Variants in BAHCC1 observed in about 807,000 individuals in gnomAD.
BAHCC1 encodes BAH domain and coiled-coil containing 1, also known as BAH and coiled-coil domain-containing protein 1.
A neutral mutation model predicts 88.2 loss-of-function variants in BAHCC1; 43 were observed. The observed-to-expected ratio is 0.49, with a 90% CI of 0.38 to 0.63. The LOEUF is 0.63. Ranked by LOEUF, BAHCC1 falls within the 20% of genes least tolerant of loss-of-function variation. The pLI is 0.00. For synonymous variants in BAHCC1, 1,510 were observed against 745.5 expected (o/e 2.03, Z -16.71); for missense variants, 3,023 against 1,654.8 (o/e 1.83, Z -14.34).
rs1555647916 is a variant in BAHCC1, at chr17:81,411,860, C to T, written c.178+11943C>T. On this transcript the variant is annotated intron_variant, in intron 2 of 27. Transcript: ENST00000675386. The surrounding 1 kb of genome is among the most constrained non-coding windows in gnomAD (Gnocchi z 6.2). ...CTCACCGCCCCGGCCCCTGCCCCTCCACACCCTGGTCACTCTTCCCTCCAG... is the reference window on the plus strand; with the variant it reads ...CTCACCGCCCCGGCCCCTGCCCCTCTACACCCTGGTCACTCTTCCCTCCAG... 6.6e-6 allele frequency among the ~76,000 whole-genome samples: 1 copy of T among 152,264 alleles called. No individual in the cohort carries two copies.
rs61744534 is a variant in BAHCC1, at chr17:81,459,100, C to A, written c.5652C>A (p.Pro1884=). The change falls in exon 21 of 28, where the codon CCC becomes CCA. Residue 1884 remains proline (P), a synonymous_variant. Coordinates refer to ENST00000675386, the MANE Select transcript of BAHCC1 (RefSeq NM_001377448.1). ...IHKEDLRDGL[P]VLIPKEDSLL... is the part of the protein sequence containing the mutation. ...AGGAGGACCTGCGGGACGGGCTGCC[C>A]GTGCTCATCCCCAAGGAGGATAGCC... 81 of 771,078 alleles carry A rather than the reference C, an allele frequency of 1.1e-4. No individual in the cohort carries two copies. The African/African-American group carries it at 1.3e-3, about 13-fold the overall frequency. The allele number at this position is 771,078 out of a possible 1,614,324, so 47.8% of individuals were successfully genotyped here.
At chr17:81,417,090 A>C (rs1027759979) in intron 2 of BAHCC1, among the ~76,000 whole-genome samples, 4 of 152,100 alleles carry the variant, frequency 2.6e-5, no homozygotes, top group Non-Finnish European at 4.4e-5. Flanking sequence ...GTGGGTGTCC[A>C]CGTGGCCTCC....
chr17:81,443,392 G>T lies in BAHCC1; in HGVS notation c.2043G>T (p.Pro681=). 3.9e-6 allele frequency: 3 copies of T among 773,628 alleles called. No homozygotes were observed. Among genetic ancestry groups the T allele is most frequent in the Non-Finnish European group, 7.2e-6 (3 of 415,158 alleles). The allele number at this position is 773,628 out of a possible 1,614,324, so 47.9% of individuals were successfully genotyped here. The change falls in exon 5 of 28, where the codon CCG becomes CCT. Residue 681 remains proline (P), a synonymous_variant. Coordinates refer to ENST00000675386, the MANE Select transcript of BAHCC1 (RefSeq NM_001377448.1). ...SSKGPGQSER[P]DCARSREHDT... ...AGGGCCCAGGCCAGTCGGAGAGGCCGGACTGTGCCCGCAGCAGGGAGCACG... is the reference window on the plus strand; with the variant it reads ...AGGGCCCAGGCCAGTCGGAGAGGCCTGACTGTGCCCGCAGCAGGGAGCACG...
chr17:81,459,493 C>T lies in BAHCC1; in HGVS notation c.5797-3C>T, dbSNP rs1162887345. ...TCATGGGTCGTCGCCCGCGTTCCTG[C>T]AGGTTCTCGATGTGCGGCCACAGTC... On this transcript the variant is annotated splice_polypyrimidine_tract_variant and splice_region_variant and intron_variant, in intron 22 of 27. Transcript: ENST00000675386. The T allele has an allele frequency of 5.1e-6, 4 of 779,126 alleles. No homozygotes were observed. Among genetic ancestry groups the T allele is most frequent in the African/African-American group, 3.4e-5 (2 of 59,134 alleles). 48.3% of individuals were successfully genotyped at this position (779,126 alleles called of 1,614,324 possible).
At chr17:81,452,138 GGGTC>G (rs2064650071) in intron 13 of BAHCC1, 31 bp downstream of exon 13, 3 of 240,734 alleles carry the variant, frequency 1.2e-5, no homozygotes, top group Admixed American at 1.6e-4. Flanking sequence ...GGGCCTGGGA[GGGTC>G]GCAGCACCCC....
rs531007524 is a variant in BAHCC1, at chr17:81,418,038, G to C, written c.179-8762G>C. 2.3e-3 allele frequency among the ~76,000 whole-genome samples: 347 copies of C among 152,368 alleles called. 5 individuals carry two copies. The highest frequency in any genetic ancestry group is 6.8e-4 in the Non-Finnish European group (46 of 68,042). On this transcript the variant is annotated intron_variant, in intron 2 of 27. Coordinates refer to ENST00000675386, the MANE Select transcript of BAHCC1 (RefSeq NM_001377448.1). Reference sequence around the variant, plus strand: ...CAGCTGCCTTCGTGGAGCCACAGGTGGTGGGGAGGTTTGGTGGCCCCAGGG... The same window carrying C: ...CAGCTGCCTTCGTGGAGCCACAGGTCGTGGGGAGGTTTGGTGGCCCCAGGG...
chr17:81,395,805 G>A (rs1464424741), intron 1 of BAHCC1, 170 bp downstream of exon 1: 3 of 85,882 alleles, frequency 3.5e-5, no homozygotes, highest in African/African-American at 1.6e-4. Context: ...AAAATGTTGA[G>A]GCTTTTTTTT....
At position 81,447,046 on chromosome 17, in the gene BAHCC1, C is replaced by T. The variant is rs782755487; in HGVS notation, c.3174C>T (p.Pro1058=). Residue 1058 remains proline (P), a synonymous_variant, in exon 11 of 28, where the codon CCC becomes CCT. Coordinates refer to ENST00000675386, the MANE Select transcript of BAHCC1 (RefSeq NM_001377448.1). ...TCCCCTCCTTTGCAGACCTGCCTCC[C>T]GGATACCTGCGCCCCATGGCTGGCC... ...DIITSEPDLP[P]GYLRPMAGLG... 14 of 779,182 alleles carry T rather than the reference C, an allele frequency of 1.8e-5. No homozygotes were observed. Among genetic ancestry groups the T allele is most frequent in the East Asian group, 4.8e-5 (2 of 41,266 alleles). 48.3% of individuals were successfully genotyped at this position (779,182 alleles called of 1,614,324 possible). A position where few individuals can be genotyped will look rare whatever the true frequency, so the allele number is the denominator to read the frequency against.
chr17:81,399,403 C>A lies in BAHCC1; in HGVS notation c.-206-131C>A, dbSNP rs182760976. On this transcript the variant is annotated intron_variant, in intron 1 of 27. Transcript: ENST00000675386. The surrounding 1 kb of genome is among the most constrained non-coding windows in gnomAD (Gnocchi z 4.5). The stretch of plus-strand genomic sequence containing the variant: ...CACCGAGCGCCCCGGCCCCGCCACC[C>A]GGCCTGGCCGCCGCTCGCTCGGGCC... The A allele has an allele frequency of 0.57, 76,568 of 135,436 alleles. 21,935 individuals are homozygous for A. The highest frequency in any genetic ancestry group is 0.91 in the East Asian group (4,060 of 4,486). The allele number at this position is 135,436 out of a possible 1,614,324, so 8.4% of individuals were successfully genotyped here.
chr17:81,458,744 G>A lies in BAHCC1; in HGVS notation c.5448+19G>A, dbSNP rs974932426. 2 of 741,650 alleles carry A rather than the reference G, an allele frequency of 2.7e-6. No individual in the cohort carries two copies. The highest frequency in any genetic ancestry group is 1.9e-5 in the Admixed American group (1 of 52,456). The allele number at this position is 741,650 out of a possible 1,614,324, so 45.9% of individuals were successfully genotyped here. On this transcript the variant is annotated intron_variant, in intron 19 of 27. Coordinates refer to ENST00000675386, the MANE Select transcript of BAHCC1 (RefSeq NM_001377448.1). ...CAAGCAGGTAGCAGCCCCCCACTCT[G>A]GGAGCCCACTGTGCACCCACCTGCA...
At position 81,461,737 on chromosome 17, in the gene BAHCC1, G is replaced by A; in HGVS notation, c.7074G>A (p.Leu2358=). Residue 2358 remains leucine, a synonymous_variant, in exon 26 of 28, where the codon CTG becomes CTA. Transcript: ENST00000675386. ...SSDDEDPALL[L]QTCLTHPVPT... ...ACGACGAGGACCCGGCTCTGCTGCT[G>A]CAGACCTGCCTCACCCACCCCGTGC... 4 of 718,276 alleles carry A rather than the reference G, an allele frequency of 5.6e-6. No individual in the cohort carries two copies. Among genetic ancestry groups the A allele is most frequent in the African/African-American group, 1.7e-5 (1 of 57,428 alleles). The allele number at this position is 718,276 out of a possible 1,614,324, so 44.5% of individuals were successfully genotyped here. A position where few individuals can be genotyped will look rare whatever the true frequency, so the allele number is the denominator to read the frequency against.
In BAHCC1 at chr17:81,454,534, C is replaced by T. The variant is rs2064707937; in HGVS notation, c.4446-733C>T. On this transcript the variant is annotated intron_variant, in intron 14 of 27. Coordinates refer to ENST00000675386, the MANE Select transcript of BAHCC1 (RefSeq NM_001377448.1). ...AGGGGAAAGCCCAGGCTTCTCTGGA[C>T]ACCGCCCCCACCCCACCCCACCCAC... Among the ~76,000 whole-genome samples, 3 of 150,664 alleles carry T rather than the reference C, an allele frequency of 2.0e-5. No homozygotes were observed. The South Asian group carries it at 6.2e-4, about 31-fold the overall frequency.
At chr17:81,414,638 G>T (rs552811194) in intron 2 of BAHCC1, among the ~76,000 whole-genome samples, 38 of 152,346 alleles carry the variant, frequency 2.5e-4, no homozygotes, top group African/African-American at 7.9e-4. Context: ...AGATGAACGT[G>T]TGTGTCGTGA....
At position 81,399,815 on chromosome 17, in the gene BAHCC1, G is replaced by A; in HGVS notation, c.76G>A (p.Ala26Thr). 7.6e-7 allele frequency: 1 copy of A among 1,319,818 alleles called. No individual in the cohort carries two copies. Among genetic ancestry groups the A allele is most frequent in the Non-Finnish European group, 9.6e-7 (1 of 1,036,622 alleles). The allele number at this position is 1,319,818 out of a possible 1,614,324, so 81.8% of individuals were successfully genotyped here. The change falls in exon 2 of 28, where the codon GCC becomes ACC. Residue 26 changes from alanine to threonine, a missense_variant. Coordinates refer to ENST00000675386, the MANE Select transcript of BAHCC1 (RefSeq NM_001377448.1). This position sits in a 1 kb window ranked among gnomAD's most constrained non-coding sequence, Gnocchi z 4.5. ...RGSLGHRSAAAAARLAPAGPA... is the reference protein window; with the variant it reads ...RGSLGHRSAATAARLAPAGPA... ...GAGCCTGGGCCACCGCAGCGCCGCT[G>A]CCGCCGCGCGTCTCGCCCCGGCTGG...
chr17:81,399,890 T>G lies in BAHCC1; in HGVS notation c.151T>G (p.Ser51Ala). Residue 51 changes from serine to alanine, a missense_variant, in exon 2 of 28, where the codon TCG becomes GCG. Ser to Ala is a moderately conservative substitution (Grantham distance 99). Transcript: ENST00000675386. The surrounding 1 kb of genome is among the most constrained non-coding windows in gnomAD (Gnocchi z 4.5). ...AHFQPGKYFPSPLPMASHTAS... is the reference protein window; with the variant it reads ...AHFQPGKYFPAPLPMASHTAS... ...CTTCCAGCCGGGAAAGTACTTCCCG[T>G]CGCCGTTGCCCATGGCTTCGCACAC... The G allele has an allele frequency of 6.9e-7, 1 of 1,449,286 alleles. No individual in the cohort carries two copies. The highest frequency in any genetic ancestry group is 9.1e-7 in the Non-Finnish European group (1 of 1,098,576). 89.8% of individuals were successfully genotyped at this position (1,449,286 alleles called of 1,614,324 possible). A position where few individuals can be genotyped will look rare whatever the true frequency, so the allele number is the denominator to read the frequency against.
At position 81,443,173 on chromosome 17, in the gene BAHCC1, C is replaced by T. The variant is rs782120429; in HGVS notation, c.1824C>T (p.Pro608=). Residue 608 remains proline, a synonymous_variant, in exon 5 of 28, where the codon CCC becomes CCT. Coordinates refer to ENST00000675386, the MANE Select transcript of BAHCC1 (RefSeq NM_001377448.1). ...EERKAGAYLD[P]FGSGLQQAAL... ...GCAAGGCTGGCGCCTACCTGGACCC[C>T]TTTGGCAGTGGCCTGCAGCAGGCGG... 3.9e-6 allele frequency: 3 copies of T among 779,000 alleles called. No homozygotes were observed. The highest frequency in any genetic ancestry group is 7.2e-6 in the Non-Finnish European group (3 of 417,754). The allele number at this position is 779,000 out of a possible 1,614,324, so 48.3% of individuals were successfully genotyped here.
rs368297780 is a variant in BAHCC1, at chr17:81,444,422, C to T, written c.2366C>T (p.Pro789Leu). 88 of 749,334 alleles carry T rather than the reference C, an allele frequency of 1.2e-4. No homozygotes were observed. Among genetic ancestry groups the T allele is most frequent in the Non-Finnish European group, 1.7e-4 (70 of 404,206 alleles). The allele number at this position is 749,334 out of a possible 1,614,324, so 46.4% of individuals were successfully genotyped here. A position where few individuals can be genotyped will look rare whatever the true frequency, so the allele number is the denominator to read the frequency against. ...DRVEFARIHP[P>L]SSCPGDLAPH... Reference sequence around the variant, plus strand: ...GTAGAGTTCGCCCGGATCCACCCACCGAGCAGCTGCCCTGGGGACCTGGCC... The same window carrying T: ...GTAGAGTTCGCCCGGATCCACCCACTGAGCAGCTGCCCTGGGGACCTGGCC... Residue 789 changes from proline to leucine, a missense_variant, in exon 7 of 28, where the codon CCG becomes CTG. Coordinates refer to ENST00000675386, the MANE Select transcript of BAHCC1 (RefSeq NM_001377448.1).
chr17:81,395,623 G>C lies in BAHCC1; in HGVS notation c.-219G>C, dbSNP rs1224082950. The C allele has an allele frequency of 6.6e-6, 1 of 151,974 alleles. No individual in the cohort carries two copies. Among genetic ancestry groups the C allele is most frequent in the Admixed American group, 6.5e-5 (1 of 15,276 alleles). 9.4% of individuals were successfully genotyped at this position (151,974 alleles called of 1,614,324 possible). A position where few individuals can be genotyped will look rare whatever the true frequency, so the allele number is the denominator to read the frequency against. Reference sequence around the variant, plus strand: ...TTGTATTGCATTCAGTTGTATCCAGGAAACAGCCTCCAGTAAGTAACTGAA... The same window carrying C: ...TTGTATTGCATTCAGTTGTATCCAGCAAACAGCCTCCAGTAAGTAACTGAA... On this transcript the variant is annotated 5_prime_UTR_variant, in exon 1 of 28. Transcript: ENST00000675386.
chr17:81,447,500 C>A lies in BAHCC1; in HGVS notation c.3628C>A (p.Pro1210Thr). ...SQVLEQRAGSPGALEDEGEQP... is the reference protein window; with the variant it reads ...SQVLEQRAGSTGALEDEGEQP... ...AGTCCTGGAGCAGCGAGCAGGGAGT[C>A]CGGGTGCCCTTGAGGACGAGGGGGA... The change falls in exon 11 of 28, where the codon CCG (proline) becomes ACG (threonine). Residue 1210 changes from proline (P) to threonine (T), a missense_variant. Pro to Thr is a conservative substitution (Grantham distance 38). Transcript: ENST00000675386. 1 of 746,654 alleles carries A rather than the reference C, an allele frequency of 1.3e-6. No individual in the cohort carries two copies. Among genetic ancestry groups the A allele is most frequent in the Non-Finnish European group, 2.5e-6 (1 of 401,702 alleles). The allele number at this position is 746,654 out of a possible 1,614,324, so 46.3% of individuals were successfully genotyped here.
Sources: gnomAD v4.1 joint callset for allele counts (sites outside exome capture counted in the v4.1 genomes callset) on GRCh38, gnomAD v4.1.1 for gene constraint, Gnocchi (gnomAD v3.1) non-coding constraint, MANE v1.5 for transcripts, NCBI Gene and HGNC (gene_info 2026-07-23, HGNC 2026-07-21) for gene names.